AKAP6: variants seen among roughly 807,000 people sequenced by gnomAD.
AKAP6 encodes the protein A-kinase anchor protein 6.
Under a neutral mutation model 188.5 loss-of-function variants are expected in AKAP6, and 58 were observed. That is an observed-to-expected ratio of 0.31 (90% CI 0.25 to 0.38). The LOEUF (loss-of-function observed/expected upper bound fraction) is 0.38, where lower values mean the gene tolerates loss of function less well. Ranked by LOEUF, AKAP6 falls within the 10% of genes least tolerant of loss-of-function variation. The pLI is 1.00. For missense variants in AKAP6, 2,710 were observed against 2,740.0 expected, an observed-to-expected ratio of 0.99 and a Z score of 0.24; for synonymous variants, 989 against 998.6, an observed-to-expected ratio of 0.99 and a Z score of 0.18.
At chr14:32,422,795 G>T (rs1889895026) in intron 1 of AKAP6, among the ~76,000 whole-genome samples, 1 of 141,094 alleles carries the variant, frequency 7.1e-6, no homozygotes, top group African/African-American at 2.7e-5. Context: ...TGGGAGCTGG[G>T]GCAAAGGCCC....
At chr14:32,722,024 C>T (rs896859348) in intron 9 of AKAP6, among the ~76,000 whole-genome samples, 3 of 152,154 alleles carry the variant, frequency 2.0e-5, no homozygotes, top group Non-Finnish European at 4.4e-5. Context: ...GCATTTGACC[C>T]CCAGTCTGAC....
Position 32,822,371 on chromosome 14 carries a change from C to T in AKAP6, c.4558C>T (p.Pro1520Ser). 1.2e-6 allele frequency: 2 copies of T among 1,613,946 alleles called. No homozygotes were observed. Among genetic ancestry groups the T allele is most frequent in the Non-Finnish European group, 8.5e-7 (1 of 1,179,918 alleles). ...TAAACATCAGACTACAGAGTTACAA[C>T]CAGATGTACCTCCCCATGAAAGGAT... ...KSKHQTTELQ[P>S]DVPPHERILA... Residue 1520 changes from proline to serine, a missense_variant, in exon 13 of 14, where the codon CCA (proline) becomes TCA (serine). Transcript: ENST00000280979.
At chr14:32,786,027 A>G (rs2033389791) in intron 12 of AKAP6, among the ~76,000 whole-genome samples, 4 of 152,110 alleles carry the variant, frequency 2.6e-5, no homozygotes, top group Admixed American at 1.3e-4. Flanking sequence ...TTTTAGGAAA[A>G]TGTTCTGGGG....
intron 2 of AKAP6, among the ~76,000 whole-genome samples, chr14:32,448,301 T>G (rs1890826016): frequency 6.6e-6 from 1 of 152,168 alleles, no homozygotes; most frequent in Admixed American, 6.5e-5. Context: ...AACTGTAAAT[T>G]TGTTGCCAAG....
chr14:32,441,874 A>G (rs527329329), intron 2 of AKAP6, among the ~76,000 whole-genome samples: 10 of 152,370 alleles, frequency 6.6e-5, no homozygotes, highest in Admixed American at 3.3e-4. Flanking sequence ...AATACATTTC[A>G]TAAAAGGATT....
rs545607146 is a variant in AKAP6 at position 32,453,801 on chromosome 14, G to C, written c.324+19984G>C. Among the ~76,000 whole-genome samples, 136 of 150,796 alleles carry C rather than the reference G, an allele frequency of 9.0e-4. 1 individual carries two copies. Among genetic ancestry groups the C allele is most frequent in the African/African-American group, 2.6e-3 (107 of 41,298 alleles). The stretch of plus-strand genomic sequence containing the variant: ...TTTAGTAGAGACGGGGTTTCACCGT[G>C]GTCTCGATCTCCTGACCTCATGATC... On this transcript the variant is annotated intron_variant, in intron 2 of 13. Transcript: ENST00000280979.
intron 10 of AKAP6, among the ~76,000 whole-genome samples, chr14:32,735,208 T>C (rs1038535108): frequency 3.3e-5 from 5 of 152,174 alleles, no homozygotes; most frequent in Non-Finnish European, 7.4e-5. Context: ...TTTGATCTAC[T>C]CTTGGCCTCT....
rs377018043 is a variant in AKAP6, at chr14:32,823,438, G to A, written c.5625G>A (p.Lys1875=). 6.2e-7 allele frequency: 1 copy of A among 1,613,438 alleles called. No individual in the cohort carries two copies. The part of the protein sequence containing the change: ...NSSHTHELGT[K]RENKKTIFKV... Reference sequence around the variant, plus strand: ...CTCATACCCATGAGTTAGGGACAAAGCGTGAAAATAAGAAAACTATTTTCA... The same window carrying A: ...CTCATACCCATGAGTTAGGGACAAAACGTGAAAATAAGAAAACTATTTTCA... The change falls in exon 13 of 14, where the codon AAG becomes AAA. Residue 1875 remains lysine (K), a synonymous_variant. Coordinates refer to ENST00000280979, the MANE Select transcript of AKAP6 (RefSeq NM_004274.5).
chr14:32,594,636 T>G (rs2144912), intron 5 of AKAP6, among the ~76,000 whole-genome samples: 79,459 of 151,958 alleles, frequency 0.52, 22,054 homozygotes, highest in Middle Eastern at 0.65. Context: ...CCTCTGAGAA[T>G]GGAGAGTGGT....
intron 7 of AKAP6, among the ~76,000 whole-genome samples, chr14:32,631,347 C>T (rs888100776): frequency 3.3e-5 from 5 of 151,954 alleles, no homozygotes; most frequent in African/African-American, 9.7e-5. Flanking sequence ...TTATATTTAT[C>T]GATTTTCCAC....
At chr14:32,654,511 A>T (rs1216844570) in intron 7 of AKAP6, among the ~76,000 whole-genome samples, 1 of 152,138 alleles carries the variant, frequency 6.6e-6, no homozygotes, top group Non-Finnish European at 1.5e-5. Context: ...GGTGAAATAT[A>T]CCAGACTGAT....
intron 8 of AKAP6, among the ~76,000 whole-genome samples, chr14:32,684,972 G>A (rs945686782): frequency 3.9e-5 from 6 of 152,076 alleles, no homozygotes; most frequent in South Asian, 2.1e-4. Context: ...AACAATGGGC[G>A]GGGCTGGGCA....
intron 9 of AKAP6, among the ~76,000 whole-genome samples, chr14:32,696,511 A>G (rs1469516048): frequency 2.6e-5 from 4 of 152,210 alleles, no homozygotes; most frequent in African/African-American, 9.6e-5. Context: ...CAGGGAAAAA[A>G]GAAATTTGCC....
rs79307893 is a variant in AKAP6 at position 32,528,238 on chromosome 14, T to C, written c.325-7316T>C. Among the ~76,000 whole-genome samples, 81 of 152,304 alleles carry C rather than the reference T, an allele frequency of 5.3e-4. 2 individuals carry two copies. The East Asian group carries it at 0.011, about 21-fold the overall frequency. On this transcript the variant is annotated intron_variant, in intron 2 of 13. Coordinates refer to ENST00000280979, the MANE Select transcript of AKAP6 (RefSeq NM_004274.5). ...TGTCTTTTCTCTATTGTGTTGCCTTTGCTCCTTTGTCGAACATCAGTTAAC... is the reference window on the plus strand; with the variant it reads ...TGTCTTTTCTCTATTGTGTTGCCTTCGCTCCTTTGTCGAACATCAGTTAAC...
Position 32,329,400 on chromosome 14 carries a change from C to G in AKAP6, c.-43C>G, listed in dbSNP as rs1886459131. 6.6e-6 allele frequency: 1 copy of G among 152,098 alleles called. No individual in the cohort carries two copies. Among genetic ancestry groups the G allele is most frequent in the Non-Finnish European group, 1.5e-5 (1 of 67,994 alleles). 9.4% of individuals were successfully genotyped at this position (152,098 alleles called of 1,614,324 possible). A position where few individuals can be genotyped will look rare whatever the true frequency, so the allele number is the denominator to read the frequency against. On this transcript the variant is annotated 5_prime_UTR_variant, in exon 1 of 14. The change creates a new upstream start codon in the 5' untranslated region. Coordinates refer to ENST00000280979, the MANE Select transcript of AKAP6 (RefSeq NM_004274.5). ...AAACATCAAAAGAAGACGGTGGGATCAGGAGATGGTGAGTGTTAAATGTCT... is the reference window on the plus strand; with the variant it reads ...AAACATCAAAAGAAGACGGTGGGATGAGGAGATGGTGAGTGTTAAATGTCT...
chr14:32,764,154 A>G (rs1594923220), intron 11 of AKAP6, among the ~76,000 whole-genome samples: 1 of 152,062 alleles, frequency 6.6e-6, no homozygotes, highest in Admixed American at 6.5e-5. Flanking sequence ...GAAAGAGATT[A>G]CTCCCACTGT....
chr14:32,490,828 T>C (rs1356714040), intron 2 of AKAP6, among the ~76,000 whole-genome samples: 1 of 152,234 alleles, frequency 6.6e-6, no homozygotes. Flanking sequence ...CTTGTTTGGT[T>C]GTTCTCAGTG....
At position 32,703,218 on chromosome 14, in the gene AKAP6, A is replaced by T. The variant is rs556428198; in HGVS notation, c.3000+7108A>T. ...GGGCTTGGATGGAGAGTGGAGAGTGAGGGGAGAGAAAGGGAGAGAGGGAAA... is the reference window on the plus strand; with the variant it reads ...GGGCTTGGATGGAGAGTGGAGAGTGTGGGGAGAGAAAGGGAGAGAGGGAAA... On this transcript the variant is annotated intron_variant, in intron 9 of 13. Coordinates refer to ENST00000280979, the MANE Select transcript of AKAP6 (RefSeq NM_004274.5). 5.7e-4 allele frequency among the ~76,000 whole-genome samples: 86 copies of T among 152,130 alleles called. 1 individual carries two copies. The South Asian group carries it at 0.018, about 32-fold the overall frequency.
intron 2 of AKAP6, among the ~76,000 whole-genome samples, chr14:32,524,834 T>C (rs1882039866): frequency 6.6e-6 from 1 of 152,162 alleles, no homozygotes; most frequent in Admixed American, 6.5e-5. Flanking sequence ...CTCCGTGTTT[T>C]TCAATGTGTG....
Sources: gnomAD v4.1 joint callset for allele counts (sites outside exome capture counted in the v4.1 genomes callset) on GRCh38, gnomAD v4.1.1 for gene constraint, MANE v1.5 for transcripts, NCBI Gene and HGNC (gene_info 2026-07-23, HGNC 2026-07-21) for gene names.